TXNL4A: variants seen among roughly 807,000 people sequenced by gnomAD.
TXNL4A encodes the protein thioredoxin-like protein 4A.
In TXNL4A, 17 loss-of-function variants were observed where a neutral mutation model predicts 14.6. The ratio of observed to expected loss-of-function variants is 1.16; its 90% CI spans 0.80 to 1.74. TXNL4A has a LOEUF of 1.74. TXNL4A is among the 40% of genes most tolerant of loss of function. The pLI is 0.00. For missense variants in TXNL4A, 74 were observed against 195.2 expected (o/e 0.38, Z 3.70); for synonymous variants, 83 against 70.6 (o/e 1.18, Z -0.88).
intron 1 of TXNL4A, chr18:79,995,304 G>A (rs2051653636): frequency 1.3e-5 from 2 of 152,336 alleles, no homozygotes; most frequent in South Asian, 4.1e-4. Flanking sequence ...TAAAGGCCCA[G>A]GAAGGCCAAA....
intron 1 of TXNL4A, 149 bp downstream of exon 1, chr18:79,988,091 G>A: frequency 9.9e-7 from 1 of 1,005,762 alleles, no homozygotes; most frequent in Non-Finnish European, 1.3e-6. Flanking sequence ...GAGAGCGCTC[G>A]ACCGCAGCGA....
At chr18:79,990,994 G>A (rs1024335519), upstream of TXNL4A, among the ~76,000 whole-genome samples, 2 of 151,668 alleles carry the variant, frequency 1.3e-5, no homozygotes, top group Non-Finnish European at 2.9e-5. Flanking sequence ...TGTAGTCCCA[G>A]CTACTCGGGA....
At chr18:80,002,798 G>A (rs143163190) in intron 1 of TXNL4A, among the ~76,000 whole-genome samples, 14 of 152,340 alleles carry the variant, frequency 9.2e-5, no homozygotes, top group African/African-American at 2.9e-4. Flanking sequence ...GTGAGCTTTC[G>A]CTTTGCAATC....
rs185603827 is a variant in TXNL4A at position 79,996,336 on chromosome 18, A to G, written c.-60-18635T>C. On this transcript the variant is annotated intron_variant, in intron 1 of 2. Coordinates refer to the TXNL4A transcript ENST00000585474. ...TGACACAGGAGTGGCTATATCTGTT[A>G]TAAATCCCACCTAATTTAGAAACCC... Among the ~76,000 whole-genome samples the G allele has an allele frequency of 1.6e-4, 24 of 152,308 alleles. No individual in the cohort carries two copies. In the East Asian group the frequency reaches 4.5e-3, roughly 28 times the overall value.
chr18:79,972,477 T>G lies in TXNL4A; in HGVS notation c.*1208A>C, dbSNP rs2051312516. On this transcript the variant is annotated 3_prime_UTR_variant, in exon 3 of 3. Transcript: ENST00000269601. ...CTGTAATAAGGACATTTTCTTTTCTTTTTTTGAGACGGAGTCTTGCTCTGT... is the reference window on the plus strand; with the variant it reads ...CTGTAATAAGGACATTTTCTTTTCTGTTTTTGAGACGGAGTCTTGCTCTGT... The G allele has an allele frequency of 6.6e-6, 1 of 151,348 alleles. No homozygotes were observed. Among genetic ancestry groups the G allele is most frequent in the Non-Finnish European group, 1.5e-5 (1 of 68,184 alleles). The allele number at this position is 151,348 out of a possible 1,614,324, so 9.4% of individuals were successfully genotyped here.
At chr18:79,995,903 C>T (rs1170062634) in intron 1 of TXNL4A, among the ~76,000 whole-genome samples, 3 of 151,762 alleles carry the variant, frequency 2.0e-5, no homozygotes. Flanking sequence ...GAGATCGAGA[C>T]CATCTTGGCT....
chr18:79,985,403 C>A (rs1805295354), intron 1 of TXNL4A, among the ~76,000 whole-genome samples: 1 of 151,772 alleles, frequency 6.6e-6, no homozygotes, highest in Admixed American at 6.6e-5. Context: ...CAGGCACATG[C>A]CACAACGCCT....
chr18:79,988,601 T>TGC (rs1284535035), upstream of TXNL4A: 3 of 421,526 alleles, frequency 7.1e-6, no homozygotes, highest in Admixed American at 4.7e-5. Flanking sequence ...GCTGACGGCA[T>TGC]GCGCGCGCGC....
intron 1 of TXNL4A, among the ~76,000 whole-genome samples, chr18:79,986,126 A>G (rs1326265863): frequency 1.3e-5 from 2 of 151,340 alleles, no homozygotes; most frequent in Non-Finnish European, 2.9e-5. Context: ...TGCAGTCTTG[A>G]CTTCCCGGGC....
intron 1 of TXNL4A, among the ~76,000 whole-genome samples, chr18:80,027,569 G>A (rs1310420789): frequency 3.3e-5 from 5 of 152,198 alleles, no homozygotes; most frequent in Non-Finnish European, 7.3e-5. Flanking sequence ...GGACGGTAAT[G>A]CCTCAAGGGT....
At chr18:80,002,486 C>G (rs919571657) in intron 1 of TXNL4A, among the ~76,000 whole-genome samples, 1 of 152,150 alleles carries the variant, frequency 6.6e-6, no homozygotes, top group Non-Finnish European at 1.5e-5. Context: ...AGTCCAAACT[C>G]ATGTAGAAAA....
chr18:80,007,855 G>A (rs995413934), intron 1 of TXNL4A, among the ~76,000 whole-genome samples: 1 of 152,152 alleles, frequency 6.6e-6, no homozygotes, highest in Non-Finnish European at 1.5e-5. Flanking sequence ...CCTGTTTGAT[G>A]GTCACCAGGT....
chr18:80,023,173 A>G (rs2051861300), intron 1 of TXNL4A, among the ~76,000 whole-genome samples: 3 of 152,226 alleles, frequency 2.0e-5, no homozygotes, highest in East Asian at 1.9e-4. Flanking sequence ...TTAAAAGAAC[A>G]TAAGAATTGA....
At chr18:80,029,929 G>C (rs1340384989) in intron 1 of TXNL4A, among the ~76,000 whole-genome samples, 1 of 152,108 alleles carries the variant, frequency 6.6e-6, no homozygotes, top group East Asian at 1.9e-4. Flanking sequence ...TGAAGATAAG[G>C]TGCCTGGTCA....
intron 1 of TXNL4A, among the ~76,000 whole-genome samples, chr18:80,006,545 A>G (rs1423211190): frequency 3.3e-5 from 5 of 152,160 alleles, no homozygotes; most frequent in Admixed American, 2.6e-4. Context: ...ATGGCATTCC[A>G]GAGATGTTTA....
rs1364750896 is a variant in TXNL4A at position 79,993,799 on chromosome 18, G to A, written c.-60-16098C>T. Among the ~76,000 whole-genome samples the A allele has an allele frequency of 6.6e-6, 1 of 152,160 alleles. No homozygotes were observed. Among genetic ancestry groups the A allele is most frequent in the East Asian group, 1.9e-4 (1 of 5,196 alleles). On this transcript the variant is annotated intron_variant, in intron 1 of 2. Coordinates refer to the TXNL4A transcript ENST00000585474. The surrounding 1 kb of genome is among the most constrained non-coding windows in gnomAD (Gnocchi z 4.4). ...GTCTGGGAGGAAAGCACCTTAAGAC[G>A]TGCAACAGCTCTGAGCTGGTTTTCT...
At chr18:79,976,526 T>C (rs991524498) in intron 2 of TXNL4A, among the ~76,000 whole-genome samples, 1 of 152,118 alleles carries the variant, frequency 6.6e-6, no homozygotes, top group Non-Finnish European at 1.5e-5. Context: ...ACACTCCAGA[T>C]AAGCACCCAG....
At chr18:80,003,109 C>G (rs6506792) in intron 1 of TXNL4A, among the ~76,000 whole-genome samples, 145,935 of 152,378 alleles carry the variant, frequency 0.96, 70,212 homozygotes, top group East Asian at 1. Context: ...TACGCACTGA[C>G]TGCGGCTTTC....
chr18:79,988,822 A>C (rs2051600654), upstream of TXNL4A, among the ~76,000 whole-genome samples: 2 of 149,822 alleles, frequency 1.3e-5, no homozygotes, highest in East Asian at 2.0e-4. Flanking sequence ...TCCCGCCCCG[A>C]GGCCGCCCGC....
Sources: gnomAD v4.1 joint callset for allele counts (sites outside exome capture counted in the v4.1 genomes callset) on GRCh38, gnomAD v4.1.1 for gene constraint, Gnocchi (gnomAD v3.1) non-coding constraint, MANE v1.5 for transcripts, NCBI Gene and HGNC (gene_info 2026-07-23, HGNC 2026-07-21) for gene names.